Variants in ASAH1 observed in about 807,000 individuals in gnomAD.
ASAH1 encodes the protein acid ceramidase.
ASAH1 carries 70 observed loss-of-function variants against 59.5 expected under a neutral mutation model. The ratio of observed to expected loss-of-function variants is 1.18; its 90% CI spans 0.97 to 1.43. The LOEUF (loss-of-function observed/expected upper bound fraction) is 1.43, where lower values mean the gene tolerates loss of function less well. Among genes scored for constraint, ASAH1 ranks in the 40% most tolerant of loss-of-function variants. The pLI, the probability that ASAH1 is intolerant of heterozygous loss-of-function variation, is 0.00. For synonymous variants in ASAH1, 213 were observed against 166.5 expected (o/e 1.28, Z -2.15); for missense variants, 660 against 482.5 (o/e 1.37, Z -3.45).
chr8:18,058,915 G>C (rs763456028), intron 12 of ASAH1, 24 bp from the exon 13 acceptor site: 8 of 1,595,330 alleles, frequency 5.0e-6, no homozygotes, highest in Non-Finnish European at 6.9e-6. Context: ...AAATAGTTTT[G>C]TTCAGTAAGT....
chr8:18,063,355 G>C, intron 6 of ASAH1, 125 bp from the exon 7 acceptor site: 1 of 871,202 alleles, frequency 1.1e-6, no homozygotes, highest in South Asian at 1.4e-5. Context: ...CCAGACTGGA[G>C]TGCAGTGGTG....
chr8:18,058,402 G>T, intron 13 of ASAH1: 1 of 164,726 alleles, frequency 6.1e-6, no homozygotes, highest in Non-Finnish European at 1.3e-5. Flanking sequence ...GAAACTTTTT[G>T]CATTTTTTTA....
chr8:18,059,471 A>G lies in ASAH1; in HGVS notation c.918-7T>C. On this transcript the variant is annotated splice_polypyrimidine_tract_variant and splice_region_variant and intron_variant, in intron 11 of 13. Transcript: ENST00000637790. ...ACCCTGCTTAGCATCGAGTCTAGAT[A>G]CAAAAGGAGAGATTCCCTCTTAGGC... 3.1e-6 allele frequency: 5 copies of G among 1,614,202 alleles called. No homozygotes were observed. Among genetic ancestry groups the G allele is most frequent in the Non-Finnish European group, 4.2e-6 (5 of 1,180,036 alleles).
chr8:18,061,818 G>A, intron 8 of ASAH1, 78 bp from the exon 9 acceptor site: 5 of 1,351,888 alleles, frequency 3.7e-6, no homozygotes, highest in Non-Finnish European at 5.2e-6. Context: ...GTACTTCAGA[G>A]TGGGATATAA....
chr8:18,065,161 A>C (rs1246880557), intron 5 of ASAH1: 1 of 151,716 alleles, frequency 6.6e-6, no homozygotes, highest in Non-Finnish European at 1.5e-5. Context: ...TAAATTTCTA[A>C]TTTGGTGAAA....
intron 4 of ASAH1, among the ~76,000 whole-genome samples, chr8:18,068,927 C>G (rs896570976): frequency 1.3e-5 from 2 of 152,052 alleles, no homozygotes; most frequent in African/African-American, 4.8e-5. Context: ...TCGCCTGAGC[C>G]CAGGAGTTGG....
At position 18,071,358 on chromosome 8, in the gene ASAH1, T is replaced by G; in HGVS notation, c.158A>C (p.Asn53Thr). The change falls in exon 3 of 14, where the codon AAT (asparagine) becomes ACT (threonine). Residue 53 changes from asparagine (N) to threonine (T), a missense_variant. Asn to Thr is a moderately conservative substitution (Grantham distance 65, BLOSUM62 0). Transcript: ENST00000637790. ...TCTTTTGTAGGGTGGTAAGTCAAGA[T>G]TTATGGTGTACCATGGAACTGCACC... ...YRGAVPWYTINLDLPPYKRWH... is the reference protein window; with the variant it reads ...YRGAVPWYTITLDLPPYKRWH... The G allele has an allele frequency of 2.5e-6, 4 of 1,603,078 alleles. No individual in the cohort carries two copies. The highest frequency in any genetic ancestry group is 3.4e-6 in the Non-Finnish European group (4 of 1,172,516).
chr8:18,057,557 G>C lies in ASAH1; in HGVS notation c.1165C>G (p.Pro389Ala). The C allele has an allele frequency of 1.2e-6, 2 of 1,602,514 alleles. No homozygotes were observed. The highest frequency in any genetic ancestry group is 1.7e-4 in the Middle Eastern group (1 of 5,998). The change falls in exon 14 of 14, where the codon CCT (proline) becomes GCT (alanine). Residue 389 changes from proline to alanine, a missense_variant. Physicochemically the swap from Pro to Ala is conservative, Grantham distance 27. Transcript: ENST00000637790. Reference sequence around the variant, plus strand: ...GCTCACCAACCTATACAAGGGTCAGGGCAGTCCCGCAGGTAAGTTTCGAAT... The same window carrying C: ...GCTCACCAACCTATACAAGGGTCAGCGCAGTCCCGCAGGTAAGTTTCGAAT... ...GQFETYLRDCPDPCIGW is the reference protein window; with the variant it reads ...GQFETYLRDCADPCIGW
rs557957940 is a variant in ASAH1, at chr8:18,075,631, T to G, written c.79-44A>C. ...TAAGTTTCAGAAAATAACAAATGCT[T>G]GCCAACGGAATAAGCAATTTCAAAA... is the stretch of plus-strand genomic sequence containing the variant. On this transcript the variant is annotated intron_variant, in intron 1 of 13. Coordinates refer to ENST00000637790, the MANE Select transcript of ASAH1 (RefSeq NM_177924.5). The G allele has an allele frequency of 7.6e-5, 120 of 1,589,178 alleles. 3 individuals are homozygous for G. In the South Asian group the frequency reaches 1.1e-3, roughly 15 times the overall value.
chr8:18,057,426 C>T lies in ASAH1; in HGVS notation c.*108G>A, dbSNP rs1232405648. 2.5e-6 allele frequency: 2 copies of T among 796,376 alleles called. No individual in the cohort carries two copies. Among genetic ancestry groups the T allele is most frequent in the Non-Finnish European group, 4.2e-6 (2 of 480,788 alleles). The allele number at this position is 796,376 out of a possible 1,614,324, so 49.3% of individuals were successfully genotyped here. ...AGACAAGCTATTGACTCAAAGAGAA[C>T]CTGCCGCGAGTCTTAGTCTTTGGAA... On this transcript the variant is annotated 3_prime_UTR_variant, in exon 14 of 14. Transcript: ENST00000637790.
chr8:18,078,754 A>T (rs1231346146), intron 1 of ASAH1, among the ~76,000 whole-genome samples: 4 of 152,218 alleles, frequency 2.6e-5, no homozygotes, highest in Non-Finnish European at 5.9e-5. Flanking sequence ...GATGATAGGT[A>T]AAGATTAGAA....
intron 1 of ASAH1, chr8:18,075,811 T>G: frequency 1.8e-6 from 1 of 570,450 alleles, no homozygotes; most frequent in Non-Finnish European, 3.1e-6. Flanking sequence ...AAGTGCTAGG[T>G]GTTATAATTT....
chr8:18,059,246 G>A, intron 12 of ASAH1, 95 bp downstream of exon 12: 9 of 1,580,558 alleles, frequency 5.7e-6, no homozygotes, highest in East Asian at 2.2e-5. Flanking sequence ...AAAATAGGAC[G>A]TTTATAAATT....
intron 6 of ASAH1, 124 bp downstream of exon 6, chr8:18,064,333 A>G: frequency 1.3e-6 from 1 of 760,404 alleles, no homozygotes. Flanking sequence ...AGAAATAAAA[A>G]GCTGTATGCA....
chr8:18,075,932 T>C (rs539240159), intron 1 of ASAH1: 7 of 365,706 alleles, frequency 1.9e-5, no homozygotes, highest in Non-Finnish European at 3.6e-5. Context: ...CCTGATAGGA[T>C]GTATTATCTG....
chr8:18,064,513 T>C lies in ASAH1; in HGVS notation c.401A>G (p.Asn134Ser), dbSNP rs746760837. ...DIPLGEIISF[N>S]IFYELFTICT... The stretch of plus-strand genomic sequence containing the variant: ...AATGGTAAATAATTCATAAAAAATA[T>C]TGAATGAAATAATCTCTCCTATGAG... The change falls in exon 6 of 14, where the codon AAT becomes AGT. Residue 134 changes from asparagine (N) to serine (S), a missense_variant. Physicochemically the swap from Asn to Ser is conservative, Grantham distance 46. Transcript: ENST00000637790. 1.2e-5 allele frequency: 19 copies of C among 1,548,354 alleles called. No individual in the cohort carries two copies. Among genetic ancestry groups the C allele is most frequent in the East Asian group, 1.1e-4 (5 of 43,692 alleles).
chr8:18,067,149 A>ACAGCACATGTGC, intron 5 of ASAH1, 71 bp downstream of exon 5: 1 of 1,376,970 alleles, frequency 7.3e-7, no homozygotes, highest in Non-Finnish European at 1.0e-6. Flanking sequence ...CTGTATGTAT[A>ACAGCACATGTGC]TCACACCTCA....
chr8:18,059,271 GA>G, intron 12 of ASAH1, 69 bp downstream of exon 12: 2 of 1,609,416 alleles, frequency 1.2e-6, no homozygotes. Context: ...GAAGGCCAAA[GA>G]AAAATGCCAG....
chr8:18,063,482 T>TTC, intron 6 of ASAH1: 1 of 400,608 alleles, frequency 2.5e-6, no homozygotes, highest in East Asian at 5.2e-5. Flanking sequence ...TTTTTTTTTT[T>TTC]TTTGTATTTT....
Sources: allele counts gnomAD v4.1 joint callset (sites outside exome capture counted in the v4.1 genomes callset), GRCh38; gene constraint gnomAD v4.1.1; transcripts MANE v1.5; gene names NCBI Gene and HGNC (gene_info 2026-07-23, HGNC 2026-07-21).